FGFR2: variants seen among roughly 807,000 people sequenced by gnomAD.
FGFR2 encodes the protein fibroblast growth factor receptor 2.
A neutral mutation model predicts 95.9 loss-of-function variants in FGFR2; 19 were observed. The observed-to-expected ratio is 0.20, with a 90% CI of 0.14 to 0.29. FGFR2 has a LOEUF of 0.29. Among genes scored for constraint, FGFR2 ranks in the 10% least tolerant of loss-of-function variants. The pLI is 1.00. For missense variants in FGFR2, 707 were observed against 1,056.9 expected, an observed-to-expected ratio of 0.67 and a Z score of 4.59; for synonymous variants, 392 against 393.3, an observed-to-expected ratio of 1.00 and a Z score of 0.04.
At chr10:121,521,858 T>C (rs1589844698) in intron 6 of FGFR2, among the ~76,000 whole-genome samples, 1 of 152,198 alleles carries the variant, frequency 6.6e-6, no homozygotes, top group Non-Finnish European at 1.5e-5. Context: ...CCTATATTAA[T>C]TGCAGCACCA....
At chr10:121,560,380 C>T (rs1157926380) in intron 4 of FGFR2, among the ~76,000 whole-genome samples, 1 of 151,846 alleles carries the variant, frequency 6.6e-6, no homozygotes, top group African/African-American at 2.4e-5. Context: ...TTTGGGAGGC[C>T]GAGGCGAGCA....
At chr10:121,559,074 T>C (rs1856580631) in intron 4 of FGFR2, among the ~76,000 whole-genome samples, 1 of 88,096 alleles carries the variant, frequency 1.1e-5, no homozygotes, top group Admixed American at 1.6e-4. Context: ...AACTGGAAGA[T>C]ACAGAACTAA....
rs1401219845 is a variant in FGFR2 at position 121,531,547 on chromosome 10, G to C, written c.748+7045C>G. Among the ~76,000 whole-genome samples, 1 of 152,184 alleles carries C rather than the reference G, an allele frequency of 6.6e-6. No individual in the cohort carries two copies. The highest frequency in any genetic ancestry group is 2.4e-5 in the African/African-American group (1 of 41,452). On this transcript the variant is annotated intron_variant, in intron 6 of 17. Transcript: ENST00000358487. This position sits in a 1 kb window ranked among gnomAD's most constrained non-coding sequence, Gnocchi z 4.5. ...CACGGCTCTGTCTGGAGATGCAAGA[G>C]GAAGTATGGGACCAACGCACAATAA...
At chr10:121,508,816 C>T (rs1369989216) in intron 9 of FGFR2, among the ~76,000 whole-genome samples, 1 of 152,236 alleles carries the variant, frequency 6.6e-6, no homozygotes, top group Non-Finnish European at 1.5e-5. Context: ...TTTGATTGCT[C>T]TGTCTACTGA....
chr10:121,489,861 C>T (rs375580834), intron 13 of FGFR2, among the ~76,000 whole-genome samples: 3 of 152,230 alleles, frequency 2.0e-5, no homozygotes, highest in Admixed American at 6.5e-5. Context: ...CCACACTGCC[C>T]GTCTAGCGGG....
At chr10:121,506,400 C>G (rs1048813797) in intron 9 of FGFR2, among the ~76,000 whole-genome samples, 15 of 150,700 alleles carry the variant, frequency 1.0e-4, no homozygotes, top group Admixed American at 8.6e-4. Context: ...GGGACGACTT[C>G]CGCAAATGGC....
At chr10:121,499,943 T>C (rs986580361) in intron 11 of FGFR2, among the ~76,000 whole-genome samples, 9 of 152,332 alleles carry the variant, frequency 5.9e-5, no homozygotes, top group Middle Eastern at 3.4e-3. Context: ...ATGTGATGAC[T>C]ATCCCATGAG....
chr10:121,516,274 A>C (rs780825148), intron 8 of FGFR2, among the ~76,000 whole-genome samples: 1 of 152,226 alleles, frequency 6.6e-6, no homozygotes, highest in Non-Finnish European at 1.5e-5. Flanking sequence ...CTGCAAATAA[A>C]AGCAAGCTTC....
chr10:121,571,742 G>C (rs1055215490), intron 2 of FGFR2, among the ~76,000 whole-genome samples: 3 of 150,284 alleles, frequency 2.0e-5, no homozygotes, highest in African/African-American at 7.3e-5. Context: ...TCAGGAGTTC[G>C]AGACCAGCCT....
intron 11 of FGFR2, 105 bp downstream of exon 11, chr10:121,500,721 G>T: frequency 1.3e-6 from 2 of 1,497,452 alleles, no homozygotes; most frequent in Non-Finnish European, 1.8e-6. Context: ...TCAACTATGT[G>T]CTCTCTGACC....
chr10:121,581,425 G>A (rs1470404893), intron 2 of FGFR2, among the ~76,000 whole-genome samples: 4 of 152,184 alleles, frequency 2.6e-5, no homozygotes, highest in Middle Eastern at 3.4e-3. Context: ...GGGGAATCCA[G>A]GTGGGTGCCA....
At chr10:121,594,882 C>T (rs1008608771) in intron 1 of FGFR2, among the ~76,000 whole-genome samples, 11 of 152,240 alleles carry the variant, frequency 7.2e-5, no homozygotes, top group Admixed American at 7.2e-4. Flanking sequence ...TGCAAACCTA[C>T]TGGCTAAATT....
chr10:121,523,489 G>A (rs572286684), intron 6 of FGFR2, among the ~76,000 whole-genome samples: 19 of 152,204 alleles, frequency 1.2e-4, no homozygotes, highest in Admixed American at 9.8e-4. Context: ...GTCCGCGCAC[G>A]AACAGACACA....
chr10:121,530,517 G>A (rs1356362898), intron 6 of FGFR2: 1 of 152,408 alleles, frequency 6.6e-6, no homozygotes, highest in African/African-American at 2.4e-5. Flanking sequence ...CAGCTACCAG[G>A]AGGCTGAGGC....
intron 2 of FGFR2, among the ~76,000 whole-genome samples, chr10:121,577,516 T>C (rs1231078422): frequency 6.6e-6 from 1 of 152,100 alleles, no homozygotes; most frequent in Admixed American, 6.6e-5. Context: ...TGGGGGTTAA[T>C]TATCTTCGGT....
intron 9 of FGFR2, among the ~76,000 whole-genome samples, chr10:121,513,290 C>T (rs888054420): frequency 6.6e-6 from 1 of 152,204 alleles, no homozygotes; most frequent in African/African-American, 2.4e-5. Context: ...TCTTAGTCCT[C>T]AAGGATCCAT....
intron 2 of FGFR2, among the ~76,000 whole-genome samples, chr10:121,592,422 C>T (rs980593536): frequency 2.6e-5 from 4 of 152,128 alleles, no homozygotes; most frequent in African/African-American, 7.2e-5. Context: ...TTCCCAGAGA[C>T]GCAGGGAGAT....
intron 2 of FGFR2, among the ~76,000 whole-genome samples, chr10:121,585,464 C>A (rs552545527): frequency 2.6e-5 from 4 of 152,162 alleles, no homozygotes; most frequent in Non-Finnish European, 5.9e-5. Flanking sequence ...TAATGAACAC[C>A]TACTCTGGGC....
intron 5 of FGFR2, among the ~76,000 whole-genome samples, chr10:121,545,890 C>T (rs1854430030): frequency 6.6e-6 from 1 of 152,152 alleles, no homozygotes; most frequent in South Asian, 2.1e-4. Flanking sequence ...TGCTGAGGGG[C>T]TCCAGGGGAA....
Sources: allele counts gnomAD v4.1 joint callset (sites outside exome capture counted in the v4.1 genomes callset), GRCh38; gene constraint gnomAD v4.1.1; non-coding constraint Gnocchi (gnomAD v3.1); transcripts MANE v1.5; gene names NCBI Gene and HGNC (gene_info 2026-07-23, HGNC 2026-07-21).